Variants in ALK observed in about 807,000 individuals in gnomAD.
ALK encodes ALK tyrosine kinase receptor.
In ALK, 74 loss-of-function variants were observed where a neutral mutation model predicts 163.1. The ratio of observed to expected loss-of-function variants is 0.45; its 90% confidence interval spans 0.38 to 0.55. The LOEUF is 0.55. Among genes scored for constraint, ALK ranks in the 20% least tolerant of loss-of-function variants. ALK has a pLI of 0.00. For missense variants in ALK, 2,063 were observed against 2,105.3 expected (o/e 0.98, Z 0.39); for synonymous variants, 960 against 843.2 (o/e 1.14, Z -2.40).
At chr2:29,304,993 G>C (rs1285723984) in intron 8 of ALK, among the ~76,000 whole-genome samples, 1 of 152,172 alleles carries the variant, frequency 6.6e-6, no homozygotes, top group Non-Finnish European at 1.5e-5. Flanking sequence ...AGTAGATGTG[G>C]GTAGGTCCTG....
In ALK at chr2:29,192,960, A is replaced by G. The variant is rs1668908157; in HGVS notation, c.*264T>C. On this transcript the variant is annotated 3_prime_UTR_variant, in exon 29 of 29. Transcript: ENST00000389048. ...ATAAGGAAGTATACAACAAACATGCATAAAAACCTTATGCAACCACATCTG... is the reference window on the plus strand; with the variant it reads ...ATAAGGAAGTATACAACAAACATGCGTAAAAACCTTATGCAACCACATCTG... 3 of 502,264 alleles carry G rather than the reference A, an allele frequency of 6.0e-6. No homozygotes were observed. The highest frequency in any genetic ancestry group is 6.5e-5 in the Admixed American group (2 of 30,744). The allele number at this position is 502,264 out of a possible 1,614,324, so 31.1% of individuals were successfully genotyped here.
chr2:29,360,261 C>T (rs1668356552), intron 5 of ALK, among the ~76,000 whole-genome samples: 1 of 152,228 alleles, frequency 6.6e-6, no homozygotes, highest in Non-Finnish European at 1.5e-5. Context: ...GCCCTTCCCT[C>T]TCTGGGAAGA....
intron 1 of ALK, among the ~76,000 whole-genome samples, chr2:29,750,444 C>G (rs910682688): frequency 6.6e-6 from 1 of 151,588 alleles, no homozygotes; most frequent in East Asian, 2.0e-4. Flanking sequence ...GGGAGGACTC[C>G]TTGAGCCCAG....
chr2:29,857,524 G>A (rs917045152), intron 1 of ALK, among the ~76,000 whole-genome samples: 62 of 152,298 alleles, frequency 4.1e-4, no homozygotes, highest in South Asian at 1.2e-3. Flanking sequence ...GGTGACGGGC[G>A]GGAGAAGAGC....
chr2:29,662,497 G>A (rs1677380293), intron 3 of ALK, among the ~76,000 whole-genome samples: 1 of 152,164 alleles, frequency 6.6e-6, no homozygotes, highest in Admixed American at 6.5e-5. Context: ...CTTATTGCAA[G>A]GCCATTTGTG....
chr2:29,440,306 C>T (rs547691796), intron 4 of ALK, among the ~76,000 whole-genome samples: 85 of 142,584 alleles, frequency 6.0e-4, no homozygotes, highest in African/African-American at 1.8e-3. Flanking sequence ...ACGTAGGTTA[C>T]GTGATGAATC....
chr2:29,670,782 G>A (rs901135452), intron 3 of ALK, among the ~76,000 whole-genome samples: 3 of 151,862 alleles, frequency 2.0e-5, no homozygotes, highest in African/African-American at 7.3e-5. Context: ...TTTTTCTGTT[G>A]AGAGTCTCTA....
At chr2:29,830,775 G>A (rs1224722379) in intron 1 of ALK, among the ~76,000 whole-genome samples, 1 of 135,660 alleles carries the variant, frequency 7.4e-6, no homozygotes, top group Non-Finnish European at 1.6e-5. Flanking sequence ...ATGGTGGCAT[G>A]TGCCTATAGT....
chr2:29,260,388 T>C (rs1368565664), intron 11 of ALK, among the ~76,000 whole-genome samples: 3 of 152,222 alleles, frequency 2.0e-5, no homozygotes, highest in African/African-American at 7.2e-5. Context: ...TATCCTGTTT[T>C]TGTTTTCTTA....
At chr2:29,747,863 A>G (rs990350259) in intron 1 of ALK, among the ~76,000 whole-genome samples, 5 of 152,178 alleles carry the variant, frequency 3.3e-5, no homozygotes, top group African/African-American at 1.2e-4. Context: ...TTTCCCTTCT[A>G]AAGTGGCAAG....
chr2:29,445,577 C>T (rs995714632), intron 4 of ALK, among the ~76,000 whole-genome samples: 1 of 152,154 alleles, frequency 6.6e-6, no homozygotes, highest in Non-Finnish European at 1.5e-5. Flanking sequence ...CTTCGGGAGG[C>T]CGAGGGGGGT....
chr2:29,824,221 A>G (rs1665131910), intron 1 of ALK, among the ~76,000 whole-genome samples: 1 of 152,266 alleles, frequency 6.6e-6, no homozygotes, highest in South Asian at 2.1e-4. Flanking sequence ...CAGAAGATGC[A>G]TGGAAATGCC....
rs77843136 is a variant in ALK, at chr2:29,532,198, A to C, written c.953-82T>G. 64 of 1,326,284 alleles carry C rather than the reference A, an allele frequency of 4.8e-5. No homozygotes were observed. The African/African-American group carries it at 8.7e-4, about 18-fold the overall frequency. 82.2% of individuals were successfully genotyped at this position (1,326,284 alleles called of 1,614,324 possible). On this transcript the variant is annotated intron_variant, in intron 3 of 28. Transcript: ENST00000389048. ...GCTCTGTGGCAAGACTTAGAGACAAATGGCATCAAAATCAGAGATACTGGA... is the reference window on the plus strand; with the variant it reads ...GCTCTGTGGCAAGACTTAGAGACAACTGGCATCAAAATCAGAGATACTGGA...
rs564030161 is a variant in ALK, at chr2:29,895,177, T to C, written c.667+24816A>G. Among the ~76,000 whole-genome samples, 20 of 152,354 alleles carry C rather than the reference T, an allele frequency of 1.3e-4. No individual in the cohort carries two copies. In the East Asian group the frequency reaches 3.7e-3, roughly 28 times the overall value. On this transcript the variant is annotated intron_variant, in intron 1 of 28. Transcript: ENST00000389048. ...TTGGCAAGTTACACACAAGGGCCGC[T>C]GGTTGATCCTAATTCTCTAGAATGA... is the stretch of plus-strand genomic sequence containing the variant.
chr2:29,505,659 C>T (rs550296172), intron 4 of ALK, among the ~76,000 whole-genome samples: 2 of 152,026 alleles, frequency 1.3e-5, no homozygotes, highest in Admixed American at 1.3e-4. Flanking sequence ...AGGCTTCAGG[C>T]ACTTGCTTCA....
intron 1 of ALK, among the ~76,000 whole-genome samples, chr2:29,918,987 G>A (rs946551148): frequency 6.6e-6 from 1 of 152,040 alleles, no homozygotes; most frequent in East Asian, 1.9e-4. Flanking sequence ...GAAGAACATC[G>A]ATTCAAAACC....
At chr2:29,389,935 C>T (rs1354076113) in intron 4 of ALK, among the ~76,000 whole-genome samples, 3 of 152,134 alleles carry the variant, frequency 2.0e-5, no homozygotes, top group Non-Finnish European at 4.4e-5. Flanking sequence ...ATGACAGTTA[C>T]CATCTGTTGC....
chr2:29,308,894 G>C (rs1408448779), intron 8 of ALK, among the ~76,000 whole-genome samples: 1 of 147,076 alleles, frequency 6.8e-6, no homozygotes, highest in Non-Finnish European at 1.5e-5. Flanking sequence ...TAAAGTTTCT[G>C]TCTGGTTTTT....
At chr2:29,473,869 A>ACAAAAC (rs1430834733) in intron 4 of ALK, among the ~76,000 whole-genome samples, 1 of 152,080 alleles carries the variant, frequency 6.6e-6, no homozygotes, top group Non-Finnish European at 1.5e-5. Context: ...AAAAACAAAA[A>ACAAAAC]CAAAAACAAT....
Sources: gnomAD v4.1 joint callset for allele counts (sites outside exome capture counted in the v4.1 genomes callset) on GRCh38, gnomAD v4.1.1 for gene constraint, MANE v1.5 for transcripts, NCBI Gene and HGNC (gene_info 2026-07-23, HGNC 2026-07-21) for gene names.